TLR7: variants seen among roughly 807,000 people sequenced by gnomAD.
TLR7 encodes the protein toll like receptor 7.
Under a neutral mutation model 38.3 loss-of-function variants are expected in TLR7, and 12 were observed. That is an observed-to-expected ratio of 0.31 (90% CI 0.20 to 0.51). TLR7 has a LOEUF of 0.51. TLR7 is among the 20% of genes least tolerant of loss of function. The pLI is 0.98. For synonymous variants in TLR7, 285 were observed against 293.8 expected (o/e 0.97, Z 0.31); for missense variants, 504 against 743.4 (o/e 0.68, Z 3.74).
At chrX:12,868,596 G>C (rs1318230672) in intron 2 of TLR7, among the ~76,000 whole-genome samples, 1 of 111,404 alleles carries the variant, frequency 9.0e-6, no homozygotes, top group Non-Finnish European at 1.9e-5. Flanking sequence ...TGCCTTCCAG[G>C]GCCACTGTGA....
chrX:12,874,265 AT>A (rs1438520726), intron 2 of TLR7, among the ~76,000 whole-genome samples: 13 of 111,462 alleles, frequency 1.2e-4, no homozygotes, highest in African/African-American at 4.3e-4. Flanking sequence ...GGTTGCGGTG[AT>A]CCAAGATCGG....
At chrX:12,885,248 T>C (rs1988076927) in intron 2 of TLR7, among the ~76,000 whole-genome samples, 1 of 112,394 alleles carries the variant, frequency 8.9e-6, no homozygotes, top group South Asian at 3.7e-4. Flanking sequence ...TAACAACGAA[T>C]AGGAAAATGC....
intron 2 of TLR7, 103 bp downstream of exon 2, chrX:12,867,684 T>G: frequency 2.4e-6 from 2 of 830,756 alleles, no homozygotes; most frequent in Non-Finnish European, 3.5e-6. Flanking sequence ...GTACTTAGGT[T>G]ATTTGCTGGG....
intron 2 of TLR7, among the ~76,000 whole-genome samples, chrX:12,868,645 T>G (rs5743719): frequency 9.0e-6 from 1 of 111,521 alleles, no homozygotes; most frequent in Non-Finnish European, 1.9e-5. Flanking sequence ...CCTTTGCAAG[T>G]GGTATGATGC....
rs1011946774 is a variant in TLR7 at position 12,888,191 on chromosome X, A to G, written c.2683A>G (p.Ile895Val). ...ACCAGACTGTTGCTATGATGCTTTT[A>G]TTGTGTATGACACTAAAGACCCAGC... Reference protein sequence around the residue: ...ISPDCCYDAFIVYDTKDPAVT... With the variant: ...ISPDCCYDAFVVYDTKDPAVT... Residue 895 changes from isoleucine (I) to valine (V), a missense_variant, in exon 3 of 3, where the codon ATT becomes GTT. Ile to Val is a conservative substitution (Grantham distance 29). Coordinates refer to ENST00000380659, the MANE Select transcript of TLR7 (RefSeq NM_016562.4). 8.3e-7 allele frequency: 1 copy of G among 1,211,673 alleles called. No homozygotes were observed. The highest frequency in any genetic ancestry group is 1.1e-6 in the Non-Finnish European group (1 of 895,505).
intron 2 of TLR7, among the ~76,000 whole-genome samples, chrX:12,874,551 A>G (rs1424250657): frequency 9.0e-6 from 1 of 111,125 alleles, no homozygotes; most frequent in African/African-American, 3.3e-5. Context: ...AGGGGGCTCT[A>G]CACCAACCAT....
At position 12,889,403 on chromosome X, in the gene TLR7, C is replaced by CA. The variant is rs371951034; in HGVS notation, c.*758dup. The CA allele has an allele frequency of 0.021, 1,941 of 93,800 alleles. 15 individuals carry two copies. The highest frequency in any genetic ancestry group is 0.022 in the African/African-American group (574 of 25,898). The allele number at this position is 93,800 out of a possible 1,213,427, so 7.7% of individuals were successfully genotyped here. On this transcript the variant is annotated 3_prime_UTR_variant, in exon 3 of 3. Transcript: ENST00000380659. ...ACAGAGCTAGACTGTCTCAAAAGAA[C>CA]AAAAAAAAAAAAACACAAAAAAACT...
intron 2 of TLR7, among the ~76,000 whole-genome samples, chrX:12,871,522 T>A (rs767854834): frequency 8.9e-6 from 1 of 112,078 alleles, no homozygotes; most frequent in South Asian, 3.7e-4. Context: ...CAGGCAGCCA[T>A]CCCCTCTGGT....
At chrX:12,876,895 A>G (rs148883418) in intron 2 of TLR7, among the ~76,000 whole-genome samples, 1 of 107,447 alleles carries the variant, frequency 9.3e-6, no homozygotes, top group East Asian at 2.8e-4. Context: ...AATTACTGAA[A>G]GATGCATGTC....
chrX:12,888,773 T>G lies in TLR7; in HGVS notation c.*115T>G. 1 of 900,163 alleles carries G rather than the reference T, an allele frequency of 1.1e-6. No homozygotes were observed. The highest frequency in any genetic ancestry group is 3.4e-5 in the Admixed American group (1 of 29,131). 74.2% of individuals were successfully genotyped at this position (900,163 alleles called of 1,213,427 possible). A position where few individuals can be genotyped will look rare whatever the true frequency, so the allele number is the denominator to read the frequency against. On this transcript the variant is annotated 3_prime_UTR_variant, in exon 3 of 3. Coordinates refer to ENST00000380659, the MANE Select transcript of TLR7 (RefSeq NM_016562.4). Reference sequence around the variant, plus strand: ...TTTGAAATTCTTCAAGAAATGAGATTGCCCATATTTCAGGGGAGCCACCAA... The same window carrying G: ...TTTGAAATTCTTCAAGAAATGAGATGGCCCATATTTCAGGGGAGCCACCAA...
intron 2 of TLR7, among the ~76,000 whole-genome samples, chrX:12,884,426 C>T (rs5743776): frequency 0.018 from 2,073 of 112,293 alleles, 55 homozygotes; most frequent in African/African-American, 0.064. Context: ...AACCAGTGTT[C>T]TGGAGTAGAC....
chrX:12,887,321 G>A lies in TLR7; in HGVS notation c.1813G>A (p.Asp605Asn), dbSNP rs1455623426. The change falls in exon 3 of 3, where the codon GAC (aspartate) becomes AAC (asparagine). Residue 605 changes from aspartate (D) to asparagine (N), a missense_variant. Asp to Asn is a conservative substitution (Grantham distance 23). Coordinates refer to ENST00000380659, the MANE Select transcript of TLR7 (RefSeq NM_016562.4). ...GGTTCTGCAGAAACTGATGATGAAC[G>A]ACAATGACATCTCTTCCTCCACCAG... is the stretch of plus-strand genomic sequence containing the variant. ...LKVLQKLMMN[D>N]NDISSSTSRT... 1.1e-5 allele frequency: 13 copies of A among 1,210,127 alleles called. No homozygotes were observed. In the East Asian group the frequency reaches 2.1e-4, roughly 19 times the overall value.
chrX:12,877,005 G>A (rs1466437372), intron 2 of TLR7, among the ~76,000 whole-genome samples: 2 of 111,270 alleles, frequency 1.8e-5, no homozygotes, highest in African/African-American at 6.5e-5. Flanking sequence ...GCTTGATGCC[G>A]AACCCTTAAA....
intron 2 of TLR7, among the ~76,000 whole-genome samples, chrX:12,876,837 A>G (rs1483337976): frequency 8.9e-6 from 1 of 111,743 alleles, no homozygotes; most frequent in Admixed American, 9.5e-5. Flanking sequence ...CTGTGATTCA[A>G]TACCAAAGCC....
At position 12,889,812 on chromosome X, in the gene TLR7, C is replaced by T. The variant is rs199637856; in HGVS notation, c.*1154C>T. ...TTTGTAAGTATCTGCACACTTGATA[C>T]AGCAACGTTAGATGGTTTTGATGGT... On this transcript the variant is annotated 3_prime_UTR_variant, in exon 3 of 3. Transcript: ENST00000380659. 1 of 112,683 alleles carries T rather than the reference C, an allele frequency of 8.9e-6. No individual in the cohort carries two copies. The highest frequency in any genetic ancestry group is 1.9e-5 in the Non-Finnish European group (1 of 53,355). The allele number at this position is 112,683 out of a possible 1,213,427, so 9.3% of individuals were successfully genotyped here.
chrX:12,876,119 C>T (rs1002313904), intron 2 of TLR7, among the ~76,000 whole-genome samples: 3 of 110,497 alleles, frequency 2.7e-5, no homozygotes, highest in East Asian at 2.9e-4. Flanking sequence ...CCACCATGCC[C>T]GGCTAATTTT....
rs1016286751 is a variant in TLR7 at position 12,886,795 on chromosome X, A to C, written c.1287A>C (p.Ser429=). 8.3e-7 allele frequency: 1 copy of C among 1,208,013 alleles called. No individual in the cohort carries two copies. The highest frequency in any genetic ancestry group is 1.1e-6 in the Non-Finnish European group (1 of 893,770). Residue 429 remains serine, a synonymous_variant, in exon 3 of 3, where the codon TCA becomes TCC. Transcript: ENST00000380659. The stretch of plus-strand genomic sequence containing the variant: ...AAAGACTGAAAGTCATAGATCTTTC[A>C]GTGAATAAAATATCACCTTCAGGAG... ...QFKRLKVIDL[S]VNKISPSGDS... is the part of the protein sequence containing the mutation.
chrX:12,874,934 G>A (rs1241681339), intron 2 of TLR7, among the ~76,000 whole-genome samples: 5 of 108,855 alleles, frequency 4.6e-5, no homozygotes, highest in African/African-American at 6.7e-5. Flanking sequence ...TATTTGGAAA[G>A]CGTAAAGTTA....
Position 12,886,180 on chromosome X carries a change from A to C in TLR7, c.672A>C (p.Pro224=), listed in dbSNP as rs201092927. 1 of 1,211,581 alleles carries C rather than the reference A, an allele frequency of 8.3e-7. No individual in the cohort carries two copies. Among genetic ancestry groups the C allele is most frequent in the Non-Finnish European group, 1.1e-6 (1 of 895,106 alleles). ...TCACAGCCGTCCCTACTGTTTTGCC[A>C]TCTACTTTAACAGAACTATATCTCT... ...NNVTAVPTVL[P]STLTELYLYN... The change falls in exon 3 of 3, where the codon CCA becomes CCC. Residue 224 remains proline (P), a synonymous_variant. Transcript: ENST00000380659.
Sources: gnomAD v4.1 joint callset for allele counts (sites outside exome capture counted in the v4.1 genomes callset) on GRCh38, gnomAD v4.1.1 for gene constraint, MANE v1.5 for transcripts, NCBI Gene and HGNC (gene_info 2026-07-23, HGNC 2026-07-21) for gene names.